ZNG1B: variants seen among roughly 807,000 people sequenced by gnomAD.
ZNG1B encodes Zn regulated GTPase metalloprotein activator 1B, also known as zinc-regulated GTPase metalloprotein activator 1B.
At chr2:113,445,051 C>G in the ZNG1B span, 4 of 1,609,316 alleles carry the variant, frequency 2.5e-6, no homozygotes, top group Admixed American at 1.7e-5. Flanking sequence ...GATTGGCAGA[C>G]CCAGGTAAGA....
At chr2:113,485,190 G>A in the ZNG1B span, among the ~76,000 whole-genome samples, 1 of 140,912 alleles carries the variant, frequency 7.1e-6, no homozygotes, top group Non-Finnish European at 1.5e-5. Context: ...GATTTTTTTT[G>A]ACCGGAAGAA....
At chr2:113,481,079 T>C in the ZNG1B span, among the ~76,000 whole-genome samples, 2 of 145,474 alleles carry the variant, frequency 1.4e-5, no homozygotes, top group South Asian at 2.2e-4. Context: ...AAATGTTCGT[T>C]GTTAGATTTT....
the ZNG1B span, among the ~76,000 whole-genome samples, chr2:113,452,240 T>G: frequency 6.6e-6 from 1 of 152,214 alleles, no homozygotes; most frequent in African/African-American, 2.4e-5. Flanking sequence ...CCTTGCTATA[T>G]CTTGCATGAG....
the ZNG1B span, among the ~76,000 whole-genome samples, chr2:113,478,585 A>G: frequency 4.0e-5 from 6 of 151,836 alleles, no homozygotes; most frequent in Non-Finnish European, 7.4e-5. Flanking sequence ...CCAGCCTTAT[A>G]TATATATTTC....
chr2:113,444,212 A>T, the ZNG1B span: 1 of 385,616 alleles, frequency 2.6e-6, no homozygotes, highest in Non-Finnish European at 4.7e-6. Flanking sequence ...AAAATAAATG[A>T]CTATCAAAAA....
the ZNG1B span, among the ~76,000 whole-genome samples, chr2:113,458,111 A>T: frequency 6.7e-4 from 101 of 150,722 alleles, no homozygotes; most frequent in Non-Finnish European, 1.3e-3. Context: ...TTTTGCAAAA[A>T]TTTTTTCTTC....
At chr2:113,477,875 T>C in the ZNG1B span, among the ~76,000 whole-genome samples, 3 of 152,212 alleles carry the variant, frequency 2.0e-5, no homozygotes, top group East Asian at 3.8e-4. Context: ...TTCTGTGGGG[T>C]TGACTATTTT....
At chr2:113,477,383 A>T in the ZNG1B span, among the ~76,000 whole-genome samples, 4 of 152,016 alleles carry the variant, frequency 2.6e-5, no homozygotes, top group African/African-American at 9.7e-5. Context: ...CGGCTCGCGG[A>T]TGGTGCACGC....
chr2:113,478,632 T>C, the ZNG1B span, among the ~76,000 whole-genome samples: 1 of 142,856 alleles, frequency 7.0e-6, no homozygotes, highest in Admixed American at 7.2e-5. Flanking sequence ...AAACTAATTC[T>C]ACTTTCAACT....
the ZNG1B span, chr2:113,444,161 T>A: frequency 4.3e-6 from 2 of 465,090 alleles, no homozygotes; most frequent in South Asian, 4.8e-5. Flanking sequence ...CTGAATTTAA[T>A]CTGTCATTGG....
chr2:113,462,271 A>G, the ZNG1B span: 11 of 922,514 alleles, frequency 1.2e-5, no homozygotes, highest in Non-Finnish European at 1.6e-5. Context: ...GCACTGTATA[A>G]TTCTTAACTG....
the ZNG1B span, chr2:113,437,839 A>C: frequency 1.2e-6 from 2 of 1,611,588 alleles, no homozygotes; most frequent in Non-Finnish European, 8.5e-7. Flanking sequence ...CCAGCGGTTC[A>C]GCTGAGGTAG....
the ZNG1B span, chr2:113,453,235 T>C: frequency 4.3e-4 from 671 of 1,573,084 alleles, no homozygotes; most frequent in Non-Finnish European, 5.4e-4. Flanking sequence ...TCTTTCTTGT[T>C]TTTTGTTTTT....
chr2:113,490,477 C>T, the ZNG1B span, among the ~76,000 whole-genome samples: 41,799 of 151,214 alleles, frequency 0.28, 6,387 homozygotes, highest in East Asian at 0.52. Context: ...AGAAAGAAGA[C>T]CAGAGCGGAA....
the ZNG1B span, among the ~76,000 whole-genome samples, chr2:113,471,750 G>C: frequency 3.8e-4 from 57 of 150,292 alleles, no homozygotes; most frequent in East Asian, 0.011. Context: ...TTTTGTTCTT[G>C]CGATAGTTTA....
At chr2:113,478,470 G>T in the ZNG1B span, among the ~76,000 whole-genome samples, 1 of 151,512 alleles carries the variant, frequency 6.6e-6, no homozygotes, top group Non-Finnish European at 1.5e-5. Context: ...CTGTAAGCAT[G>T]GGGTCTTGCT....
the ZNG1B span, among the ~76,000 whole-genome samples, chr2:113,485,192 C>A: frequency 7.2e-6 from 1 of 139,322 alleles, no homozygotes; most frequent in African/African-American, 2.8e-5. Context: ...TTTTTTTTGA[C>A]CGGAAGAAGT....
At chr2:113,459,586 G>A in the ZNG1B span, among the ~76,000 whole-genome samples, 1 of 151,470 alleles carries the variant, frequency 6.6e-6, no homozygotes, top group Non-Finnish European at 1.5e-5. Flanking sequence ...ATAGTATCCT[G>A]TGATGATGAG....
the ZNG1B span, among the ~76,000 whole-genome samples, chr2:113,479,977 A>G: frequency 2.6e-5 from 4 of 151,930 alleles, no homozygotes; most frequent in Admixed American, 2.0e-4. Flanking sequence ...ACACACTACC[A>G]TGCCTGGCTA....
Sources: gnomAD v4.1 joint callset for allele counts (sites outside exome capture counted in the v4.1 genomes callset) on GRCh38, gnomAD v4.1.1 for gene constraint, MANE v1.5 for transcripts, NCBI Gene and HGNC (gene_info 2026-07-23, HGNC 2026-07-21) for gene names.